Variants in EIF2AK4 observed in about 807,000 individuals in gnomAD.
The protein encoded by EIF2AK4 is eIF-2-alpha kinase GCN2.
In EIF2AK4, 139 loss-of-function variants were observed where a neutral mutation model predicts 211.1. The observed-to-expected ratio is 0.66, with a 90% CI of 0.57 to 0.76. The LOEUF is 0.76. EIF2AK4 is among the 30% of genes least tolerant of loss of function. The probability of loss-of-function intolerance (pLI) is 0.00; values close to 1 mark genes in which losing one functional copy is unlikely to be tolerated. For synonymous variants in EIF2AK4, 710 were observed against 751.3 expected (o/e 0.94, Z 0.90); for missense variants, 1,664 against 2,043.8 (o/e 0.81, Z 3.58).
At chr15:39,954,997 T>C (rs912301078) in intron 5 of EIF2AK4, among the ~76,000 whole-genome samples, 1 of 152,222 alleles carries the variant, frequency 6.6e-6, no homozygotes, top group African/African-American at 2.4e-5. Context: ...CTGTCTTGTA[T>C]AATTACCTCC....
intron 1 of EIF2AK4, among the ~76,000 whole-genome samples, chr15:39,936,340 G>A (rs978675130): frequency 6.6e-6 from 1 of 152,244 alleles, no homozygotes; most frequent in African/African-American, 2.4e-5. Flanking sequence ...ATGAATCAGA[G>A]TTTAGTCATT....
In EIF2AK4 at chr15:40,008,116, C is replaced by G. The variant is rs772040825; in HGVS notation, c.3497C>G (p.Ser1166Cys). Residue 1166 changes from serine to cysteine, a missense_variant, in exon 25 of 39, where the codon TCT (serine) becomes TGT (cysteine). Ser to Cys is a moderately radical substitution (Grantham distance 112). Transcript: ENST00000263791. ...LLECAFDIVTSTTNSFLPTAE... is the reference protein window; with the variant it reads ...LLECAFDIVTCTTNSFLPTAE... ...GAGTGTGCATTTGATATTGTCACTT[C>G]TACCACCAACAGCTTTCTGCCCACT... 2.5e-6 allele frequency: 4 copies of G among 1,613,142 alleles called. No homozygotes were observed. In the South Asian group the frequency reaches 3.3e-5, roughly 13 times the overall value.
At chr15:39,942,652 C>G (rs780936994) in intron 2 of EIF2AK4, among the ~76,000 whole-genome samples, 1 of 152,024 alleles carries the variant, frequency 6.6e-6, no homozygotes, top group Non-Finnish European at 1.5e-5. Context: ...AAATGAAACC[C>G]GAGGGCTGGT....
chr15:39,969,199 G>T (rs186328840), intron 9 of EIF2AK4, among the ~76,000 whole-genome samples: 216 of 152,064 alleles, frequency 1.4e-3, no homozygotes, highest in African/African-American at 5.0e-3. Flanking sequence ...ATCATGTGTT[G>T]TTAAAAACAG....
intron 37 of EIF2AK4, among the ~76,000 whole-genome samples, chr15:40,033,740 A>G (rs1029817111): frequency 6.6e-6 from 1 of 152,200 alleles, no homozygotes; most frequent in African/African-American, 2.4e-5. Context: ...CAAAAAGTAA[A>G]CAGAGGCCGG....
intron 29 of EIF2AK4, 136 bp from the exon 30 acceptor site, chr15:40,018,957 A>G (rs995383047): frequency 3.0e-6 from 2 of 669,456 alleles, no homozygotes; most frequent in Non-Finnish European, 5.1e-6. Flanking sequence ...CTATTTTACT[A>G]CACACACACA....
At chr15:40,024,167 T>C (rs774693299) in intron 32 of EIF2AK4, among the ~76,000 whole-genome samples, 3 of 152,154 alleles carry the variant, frequency 2.0e-5, no homozygotes, top group Non-Finnish European at 2.9e-5. Flanking sequence ...TGAAATCTTT[T>C]GGTTAGTGTT....
At position 40,007,194 on chromosome 15, in the gene EIF2AK4, C is replaced by T. The variant is rs367729611; in HGVS notation, c.3407+129C>T. The T allele has an allele frequency of 6.2e-5, 53 of 857,074 alleles. 1 individual carries two copies. In the East Asian group the frequency reaches 1.3e-3, roughly 22 times the overall value. The allele number at this position is 857,074 out of a possible 1,614,324, so 53.1% of individuals were successfully genotyped here. A position where few individuals can be genotyped will look rare whatever the true frequency, so the allele number is the denominator to read the frequency against. On this transcript the variant is annotated intron_variant, in intron 24 of 38. Coordinates refer to ENST00000263791, the MANE Select transcript of EIF2AK4 (RefSeq NM_001013703.4). ...AGAATTCTGGGTTCAGAATATTGAG[C>T]TTAGAATATGAACCAGAAGCCCAGC...
In EIF2AK4 at chr15:39,974,064, G is replaced by C. The variant is rs147384981; in HGVS notation, c.1818+315G>C. On this transcript the variant is annotated intron_variant, in intron 11 of 38. Transcript: ENST00000263791. ...ATTTTTGTGTGCTTTGGTTCAGAAA[G>C]AACATTGTTCTTTTTTTCTCCTGTT... The C allele has an allele frequency of 2.9e-3, 548 of 186,340 alleles. 2 individuals are homozygous for C. Among genetic ancestry groups the C allele is most frequent in the African/African-American group, 0.012 (523 of 42,932 alleles). The allele number at this position is 186,340 out of a possible 1,614,324, so 11.5% of individuals were successfully genotyped here.
At chr15:39,950,541 A>G (rs975154846) in intron 4 of EIF2AK4, among the ~76,000 whole-genome samples, 1 of 151,852 alleles carries the variant, frequency 6.6e-6, no homozygotes, top group Non-Finnish European at 1.5e-5. Flanking sequence ...CAGTGAGCCA[A>G]GATCGTGCCA....
At chr15:39,995,802 T>C (rs1024481772) in intron 18 of EIF2AK4, among the ~76,000 whole-genome samples, 10 of 152,216 alleles carry the variant, frequency 6.6e-5, no homozygotes, top group Admixed American at 4.6e-4. Flanking sequence ...TGTGAAATGA[T>C]TACCACAGCG....
intron 6 of EIF2AK4, among the ~76,000 whole-genome samples, chr15:39,957,512 G>A (rs561535578): frequency 8.5e-5 from 13 of 152,190 alleles, no homozygotes; most frequent in African/African-American, 2.4e-4. Context: ...TCTCAGGGAT[G>A]CCTTCCTGAG....
intron 20 of EIF2AK4, 108 bp downstream of exon 20, chr15:39,998,892 G>A: frequency 2.3e-6 from 2 of 870,082 alleles, no homozygotes; most frequent in South Asian, 3.6e-5. Flanking sequence ...TTGTGTCCTG[G>A]GAACAACGTG....
At chr15:39,946,330 AG>A (rs2034227043) in intron 3 of EIF2AK4, among the ~76,000 whole-genome samples, 1 of 152,196 alleles carries the variant, frequency 6.6e-6, no homozygotes, top group Non-Finnish European at 1.5e-5. Flanking sequence ...GATGACTTTG[AG>A]GGGTTCAAGA....
At chr15:39,995,312 C>T (rs1040573435) in intron 18 of EIF2AK4, among the ~76,000 whole-genome samples, 31 of 152,152 alleles carry the variant, frequency 2.0e-4, no homozygotes, top group African/African-American at 6.8e-4. Context: ...TTTAAGATGT[C>T]GGAGGTCACC....
chr15:39,994,496 C>T (rs1296810130), intron 18 of EIF2AK4, among the ~76,000 whole-genome samples: 1 of 152,180 alleles, frequency 6.6e-6, no homozygotes, highest in East Asian at 1.9e-4. Context: ...GTAGTCCCAG[C>T]TCCTCAGGAG....
intron 2 of EIF2AK4, among the ~76,000 whole-genome samples, chr15:39,941,474 A>G (rs1364980829): frequency 6.6e-6 from 1 of 152,104 alleles, no homozygotes; most frequent in Non-Finnish European, 1.5e-5. Flanking sequence ...AACAGGGGTC[A>G]AATATCAAAT....
At chr15:39,979,319 G>C (rs1439356692) in intron 13 of EIF2AK4, among the ~76,000 whole-genome samples, 2 of 152,202 alleles carry the variant, frequency 1.3e-5, no homozygotes, top group Non-Finnish European at 2.9e-5. Context: ...GATAGGGGAA[G>C]AGATTAAGTA....
At chr15:39,944,402 T>A (rs1048157965) in intron 3 of EIF2AK4, among the ~76,000 whole-genome samples, 7 of 151,490 alleles carry the variant, frequency 4.6e-5, no homozygotes, top group African/African-American at 1.7e-4. Flanking sequence ...CACTCAGTGT[T>A]TTTGCCTGGC....
Sources: allele counts gnomAD v4.1 joint callset (sites outside exome capture counted in the v4.1 genomes callset), GRCh38; gene constraint gnomAD v4.1.1; transcripts MANE v1.5; gene names NCBI Gene and HGNC (gene_info 2026-07-23, HGNC 2026-07-21).